Variants in R3HDM2 observed in about 807,000 individuals in gnomAD.
R3HDM2 encodes R3H domain-containing protein 2.
A neutral mutation model predicts 124.5 loss-of-function variants in R3HDM2; 38 were observed. The ratio of observed to expected loss-of-function variants is 0.31; its 90% CI spans 0.24 to 0.40. The LOEUF (loss-of-function observed/expected upper bound fraction) is 0.40. R3HDM2 is among the 10% of genes least tolerant of loss of function. The pLI is 1.00. For missense variants in R3HDM2, 869 were observed against 1,236.9 expected (o/e 0.70, Z 4.46); for synonymous variants, 391 against 448.0 (o/e 0.87, Z 1.61).
At position 57,280,508 on chromosome 12, in the gene R3HDM2, T is replaced by A. The variant is rs377651455; in HGVS notation, c.1194A>T (p.Glu398Asp). Residue 398 changes from glutamate to aspartate, a missense_variant, in exon 14 of 24, where the codon GAA (glutamate) becomes GAT (aspartate). By Grantham distance (45) the Glu-to-Asp change is conservative. Around this residue, in one of 2 missense-constraint regions of R3HDM2, gnomAD observed 602 missense variants for 789.2 expected, o/e 0.76. Coordinates refer to ENST00000402412, the MANE Select transcript of R3HDM2 (RefSeq NM_001394031.1). ...GGGATGAGGTGACCTGGTTGCACACTTCTGGGGCACCTAGTGCCATACCTA... is the reference window on the plus strand; with the variant it reads ...GGGATGAGGTGACCTGGTTGCACACATCTGGGGCACCTAGTGCCATACCTA... ...SRPGMALGAP[E>D]VCNQVTSSQS... is the part of the protein sequence containing the mutation. The A allele has an allele frequency of 6.2e-7, 1 of 1,610,586 alleles. No homozygotes were observed. The highest frequency in any genetic ancestry group is 8.5e-7 in the Non-Finnish European group (1 of 1,177,976).
Position 57,310,251 on chromosome 12 carries a change from T to G in R3HDM2, c.165+13A>C, listed in dbSNP as rs572728332. Reference sequence around the variant, plus strand: ...AAAAAAAAGTGTGCATACAATGCATTTCCAATCGTTACCTGTGTCTCCTGA... The same window carrying G: ...AAAAAAAAGTGTGCATACAATGCATGTCCAATCGTTACCTGTGTCTCCTGA... On this transcript the variant is annotated intron_variant, in intron 3 of 23. Coordinates refer to ENST00000402412, the MANE Select transcript of R3HDM2 (RefSeq NM_001394031.1). The G allele has an allele frequency of 1.5e-5, 23 of 1,512,900 alleles. No individual in the cohort carries two copies. The highest frequency in any genetic ancestry group is 3.4e-4 in the Middle Eastern group (2 of 5,800). The allele number at this position is 1,512,900 out of a possible 1,614,324, so 93.7% of individuals were successfully genotyped here.
At position 57,284,048 on chromosome 12, in the gene R3HDM2, C is replaced by T. The variant is rs768467538; in HGVS notation, c.947G>A (p.Arg316His). Residue 316 changes from arginine to histidine, a missense_variant, in exon 13 of 24, where the codon CGT (arginine) becomes CAT (histidine). Coordinates refer to ENST00000402412, the MANE Select transcript of R3HDM2 (RefSeq NM_001394031.1). ...GCTTGAGGTGCGGCTCAGTCCTTCA[C>T]GGTTCCCCCTGCAGAGACCATAGTG... ...NGYLNDIRGN[R>H]EGLSRTSSSR... is the part of the protein sequence containing the mutation. 16 of 1,598,026 alleles carry T rather than the reference C, an allele frequency of 1.0e-5. No homozygotes were observed. The highest frequency in any genetic ancestry group is 2.3e-5 in the East Asian group (1 of 43,870).
At chr12:57,306,789 T>C (rs896200980) in intron 3 of R3HDM2, among the ~76,000 whole-genome samples, 1 of 152,018 alleles carries the variant, frequency 6.6e-6, no homozygotes, top group African/African-American at 2.4e-5. Context: ...CTGAGGCAGA[T>C]GGATCACCTG....
chr12:57,420,200 T>C (rs966921630), intron 1 of R3HDM2, among the ~76,000 whole-genome samples: 3 of 152,180 alleles, frequency 2.0e-5, no homozygotes, highest in Non-Finnish European at 2.9e-5. Context: ...TTCTCCTGTA[T>C]ATATAAATAT....
intron 3 of R3HDM2, 61 bp from the exon 4 acceptor site, chr12:57,303,278 C>A: frequency 7.3e-7 from 1 of 1,366,216 alleles, no homozygotes; most frequent in Non-Finnish European, 1.0e-6. Flanking sequence ...AAGTTAAAAA[C>A]AATACATGTT....
At chr12:57,343,782 A>C (rs898405998) in intron 2 of R3HDM2, among the ~76,000 whole-genome samples, 66 of 151,756 alleles carry the variant, frequency 4.3e-4, no homozygotes, top group African/African-American at 1.3e-3. Flanking sequence ...AAAAAAAAAA[A>C]AAAACAGGTT....
In R3HDM2 at chr12:57,395,198, G is replaced by A. The variant is rs183819463; in HGVS notation, c.-36+551C>T. 3.8e-4 allele frequency among the ~76,000 whole-genome samples: 52 copies of A among 138,414 alleles called. No individual in the cohort carries two copies. The East Asian group carries it at 8.8e-3, about 23-fold the overall frequency. 90.8% of individuals were successfully genotyped at this position (138,414 alleles called of 152,430 possible). A position where few individuals can be genotyped will look rare whatever the true frequency, so the allele number is the denominator to read the frequency against. On this transcript the variant is annotated intron_variant, in intron 2 of 23. Coordinates refer to ENST00000402412, the MANE Select transcript of R3HDM2 (RefSeq NM_001394031.1). ...AGCCTGGGCCACAGGGCAAGACTCC[G>A]TTTCAAAAAAAATTAAAAAAAATTA...
intron 10 of R3HDM2, among the ~76,000 whole-genome samples, chr12:57,293,811 A>G (rs1352873941): frequency 6.6e-6 from 1 of 152,226 alleles, no homozygotes; most frequent in Non-Finnish European, 1.5e-5. Context: ...AACTTCAAGA[A>G]TATCAACCTT....
At chr12:57,301,336 T>G (rs1276023747) in intron 4 of R3HDM2, among the ~76,000 whole-genome samples, 2 of 152,134 alleles carry the variant, frequency 1.3e-5, no homozygotes, top group African/African-American at 4.8e-5. Context: ...AAACATTTAC[T>G]GAGACTCAAT....
chr12:57,382,096 C>T (rs1378087332), intron 2 of R3HDM2, among the ~76,000 whole-genome samples: 1 of 151,294 alleles, frequency 6.6e-6, no homozygotes, highest in African/African-American at 2.4e-5. Context: ...GCTGGGACTA[C>T]AGGTATGAGC....
At chr12:57,306,017 A>G (rs1202042062) in intron 3 of R3HDM2, among the ~76,000 whole-genome samples, 2 of 152,246 alleles carry the variant, frequency 1.3e-5, no homozygotes, top group Non-Finnish European at 2.9e-5. Flanking sequence ...TTGAAGGATA[A>G]ATAGGCTTTA....
intron 2 of R3HDM2, among the ~76,000 whole-genome samples, chr12:57,377,801 C>CTT (rs1226170574): frequency 2.6e-5 from 4 of 152,146 alleles, no homozygotes; most frequent in African/African-American, 9.6e-5. Context: ...AAGTTGAAAC[C>CTT]TTTCGGCCAG....
In R3HDM2 at chr12:57,255,082, G is replaced by A. The variant is rs1340328665; in HGVS notation, c.2664C>T (p.Leu888=). 6.2e-7 allele frequency: 1 copy of A among 1,604,606 alleles called. No homozygotes were observed. The highest frequency in any genetic ancestry group is 8.5e-7 in the Non-Finnish European group (1 of 1,174,634). ...CCTCAGTACGGGTGATGCCCTCAGGGAGATCTGTCACCTCCAGCACCCGCC... is the reference window on the plus strand; with the variant it reads ...CCTCAGTACGGGTGATGCCCTCAGGAAGATCTGTCACCTCCAGCACCCGCC... The part of the protein sequence containing the change: ...VLGRVLEVTD[L]PEGITRTEAD... Residue 888 remains leucine, a synonymous_variant, in exon 24 of 24, where the codon CTC becomes CTT. Coordinates refer to ENST00000402412, the MANE Select transcript of R3HDM2 (RefSeq NM_001394031.1).
In R3HDM2 at chr12:57,349,379, C is replaced by CAAA. The variant is rs1161831845; in HGVS notation, c.-35-38919_-35-38917dup. Reference sequence around the variant, plus strand: ...TGCCGACAGAGCGAGACTCCGTCTCCAAAAAAAAAAAAAAAAAAAAAAAAA... The same window carrying CAAA: ...TGCCGACAGAGCGAGACTCCGTCTCCAAAAAAAAAAAAAAAAAAAAAAAAAAAA... On this transcript the variant is annotated intron_variant, in intron 2 of 23. Coordinates refer to ENST00000402412, the MANE Select transcript of R3HDM2 (RefSeq NM_001394031.1). 7.8e-4 allele frequency among the ~76,000 whole-genome samples: 45 copies of CAAA among 57,752 alleles called. 1 individual carries two copies. Among genetic ancestry groups the CAAA allele is most frequent in the African/African-American group, 2.6e-3 (28 of 10,762 alleles). 37.9% of individuals were successfully genotyped at this position (57,752 alleles called of 152,430 possible). A position where few individuals can be genotyped will look rare whatever the true frequency, so the allele number is the denominator to read the frequency against.
rs1204763038 is a variant in R3HDM2 at position 57,413,161 on chromosome 12, GAAGAAA to G, written c.-105-17349_-105-17344del. ...GAGTGAGACTCTGTCTCAAAAAAAA[GAAGAAA>G]AAGAAAAAGAAAACTTATGTCACCA... On this transcript the variant is annotated intron_variant, in intron 1 of 23. Transcript: ENST00000402412. Among the ~76,000 whole-genome samples, 9 of 151,346 alleles carry G rather than the reference GAAGAAA, an allele frequency of 5.9e-5. No individual in the cohort carries two copies. In the East Asian group the frequency reaches 1.6e-3, roughly 26 times the overall value.
chr12:57,271,720 A>G (rs2043629137), intron 14 of R3HDM2, among the ~76,000 whole-genome samples: 1 of 152,220 alleles, frequency 6.6e-6, no homozygotes, highest in African/African-American at 2.4e-5. Context: ...TACAACTATG[A>G]TGGAAGTTAT....
chr12:57,315,037 C>CT (rs528938932), intron 2 of R3HDM2, among the ~76,000 whole-genome samples: 127 of 143,230 alleles, frequency 8.9e-4, no homozygotes, highest in Non-Finnish European at 1.1e-3. Context: ...TTTTCTATTT[C>CT]TTTTTTTTTT....
At chr12:57,393,274 T>G (rs1323865303) in intron 2 of R3HDM2, among the ~76,000 whole-genome samples, 1 of 152,098 alleles carries the variant, frequency 6.6e-6, no homozygotes, top group African/African-American at 2.4e-5. Context: ...CGGCTAATTT[T>G]GGAATTTTTA....
At chr12:57,393,122 CAGA>C (rs1179701505) in intron 2 of R3HDM2, among the ~76,000 whole-genome samples, 3 of 111,868 alleles carry the variant, frequency 2.7e-5, no homozygotes, top group East Asian at 2.6e-4. Flanking sequence ...TTTTTTTCTT[CAGA>C]AGGAGTCTCG....
Sources: gnomAD v4.1 joint callset for allele counts (sites outside exome capture counted in the v4.1 genomes callset) on GRCh38, gnomAD v4.1.1 for gene constraint, gnomAD v4.1.1 regional missense constraint, MANE v1.5 for transcripts, NCBI Gene and HGNC (gene_info 2026-07-23, HGNC 2026-07-21) for gene names.